The following ANTXRL variants were observed in gnomAD, a reference collection of about 807,000 sequenced individuals.
ANTXRL encodes ANTXR like.
ANTXRL carries 63 observed loss-of-function variants against 75.4 expected under a neutral mutation model. That is an observed-to-expected ratio of 0.84 (90% CI 0.68 to 1.03). The LOEUF is 1.03. ANTXRL is among the 50% of genes least tolerant of loss of function. The probability of loss-of-function intolerance (pLI) is 0.00; values close to 1 mark genes in which losing one functional copy is unlikely to be tolerated. For synonymous variants in ANTXRL, 335 were observed against 291.3 expected (o/e 1.15, Z -1.53); for missense variants, 797 against 789.4 (o/e 1.01, Z -0.12).
intron 9 of ANTXRL, among the ~76,000 whole-genome samples, chr10:46,298,487 G>A (rs1344179607): frequency 6.6e-6 from 1 of 151,528 alleles, no homozygotes; most frequent in Non-Finnish European, 1.5e-5. Context: ...TATGCATGTG[G>A]GGGTGTGAGT....
intron 16 of ANTXRL, among the ~76,000 whole-genome samples, chr10:46,318,552 G>A (rs2132874702): frequency 6.6e-6 from 1 of 152,210 alleles, no homozygotes. Flanking sequence ...TTTTAATACA[G>A]AAAAGCAGTG....
intron 1 of ANTXRL, 129 bp from the exon 2 acceptor site, chr10:46,291,929 C>T: frequency 1.2e-6 from 1 of 818,458 alleles, no homozygotes; most frequent in South Asian, 1.6e-5. Context: ...TGGGGGTGTA[C>T]CCCAGCCTCA....
chr10:46,309,625 C>A (rs1476533851), intron 13 of ANTXRL, among the ~76,000 whole-genome samples: 1 of 152,198 alleles, frequency 6.6e-6, no homozygotes, highest in Non-Finnish European at 1.5e-5. Flanking sequence ...AAATGGAGGA[C>A]GCTGTAACCC....
chr10:46,311,286 G>A (rs1180382226), intron 14 of ANTXRL, among the ~76,000 whole-genome samples: 7 of 152,076 alleles, frequency 4.6e-5, no homozygotes, highest in African/African-American at 1.5e-4. Context: ...CTTTCAACAA[G>A]GGCAGCCACG....
chr10:46,297,566 A>G (rs1554959234), intron 7 of ANTXRL, 92 bp downstream of exon 7: 40 of 1,324,260 alleles, frequency 3.0e-5, no homozygotes, highest in Non-Finnish European at 3.9e-5. Flanking sequence ...CGGTTGTCTA[A>G]GCTGCCCCAA....
intron 16 of ANTXRL, among the ~76,000 whole-genome samples, chr10:46,324,655 T>C (rs1839129026): frequency 6.6e-6 from 1 of 152,170 alleles, no homozygotes; most frequent in Non-Finnish European, 1.5e-5. Flanking sequence ...TGGACCTTTA[T>C]AGACGCCGCA....
chr10:46,301,922 G>A (rs1466179347), intron 9 of ANTXRL, among the ~76,000 whole-genome samples: 17 of 152,174 alleles, frequency 1.1e-4, no homozygotes, highest in Admixed American at 1.1e-3. Context: ...GCAGACCTGC[G>A]GGAACCCTGG....
At chr10:46,295,201 T>C (rs17769411) in intron 3 of ANTXRL, among the ~76,000 whole-genome samples, 61,227 of 151,804 alleles carry the variant, frequency 0.4, 12,118 homozygotes, top group Non-Finnish European at 0.48. Context: ...ACTTCCTGTA[T>C]CAGGGTAAAG....
intron 15 of ANTXRL, 66 bp from the exon 16 acceptor site, chr10:46,313,170 G>T: frequency 7.3e-7 from 1 of 1,378,424 alleles, no homozygotes; most frequent in Non-Finnish European, 1.0e-6. Flanking sequence ...GGGCTGGGGA[G>T]TCCTGATGCC....
chr10:46,310,344 C>A (rs1838350140), intron 13 of ANTXRL, 117 bp from the exon 14 acceptor site: 2 of 983,412 alleles, frequency 2.0e-6, no homozygotes, highest in Non-Finnish European at 3.1e-6. Context: ...CAGAGTGACA[C>A]CCCAAAGGCA....
At chr10:46,286,892 T>G, upstream of ANTXRL, 1 of 299,954 alleles carries the variant, frequency 3.3e-6, no homozygotes, top group Non-Finnish European at 6.3e-6. Context: ...GGCTTCCTCT[T>G]GTAGCCCCTC....
intron 14 of ANTXRL, among the ~76,000 whole-genome samples, chr10:46,311,041 G>A (rs782748162): frequency 5.3e-5 from 8 of 152,066 alleles, no homozygotes; most frequent in Non-Finnish European, 8.8e-5. Flanking sequence ...CCAGGAGTCC[G>A]GGAACAAGTT....
chr10:46,317,047 G>C (rs1302483759), intron 16 of ANTXRL, among the ~76,000 whole-genome samples: 1 of 152,100 alleles, frequency 6.6e-6, no homozygotes, highest in Non-Finnish European at 1.5e-5. Flanking sequence ...AGCCTCCTGC[G>C]ACCCTAAGCT....
chr10:46,304,025 G>C (rs1384344785), intron 10 of ANTXRL, among the ~76,000 whole-genome samples: 1 of 152,124 alleles, frequency 6.6e-6, no homozygotes, highest in Non-Finnish European at 1.5e-5. Context: ...CATAGGAAGG[G>C]GCTGAGCCTG....
At chr10:46,286,685 C>A (rs76055187), upstream of ANTXRL, among the ~76,000 whole-genome samples, 1 of 152,130 alleles carries the variant, frequency 6.6e-6, no homozygotes, top group South Asian at 2.1e-4. Flanking sequence ...ATCTCCTTCC[C>A]GAACTGCCAT....
chr10:46,290,576 A>C (rs1309196069), intron 1 of ANTXRL, among the ~76,000 whole-genome samples: 2 of 152,172 alleles, frequency 1.3e-5, no homozygotes, highest in East Asian at 3.8e-4. Context: ...CATTCCCACC[A>C]ACAAAAGCCC....
At chr10:46,297,800 G>A in intron 7 of ANTXRL, 31 bp from the exon 8 acceptor site, 1 of 1,529,300 alleles carries the variant, frequency 6.5e-7, no homozygotes, top group East Asian at 2.4e-5. Context: ...ACCTCCTGGT[G>A]GGGAGTCCAA....
At chr10:46,306,242 A>G (rs1203670963) in intron 10 of ANTXRL, among the ~76,000 whole-genome samples, 1 of 152,218 alleles carries the variant, frequency 6.6e-6, no homozygotes, top group Non-Finnish European at 1.5e-5. Context: ...GGAAGTTTGC[A>G]ACACTACACA....
At chr10:46,317,875 A>C (rs1838810095) in intron 16 of ANTXRL, among the ~76,000 whole-genome samples, 1 of 152,176 alleles carries the variant, frequency 6.6e-6, no homozygotes, top group Non-Finnish European at 1.5e-5. Flanking sequence ...AGAAGTAATT[A>C]GTTGCTGGCT....
Sources: allele counts gnomAD v4.1 joint callset (sites outside exome capture counted in the v4.1 genomes callset), GRCh38; gene constraint gnomAD v4.1.1; transcripts MANE v1.5; gene names NCBI Gene and HGNC (gene_info 2026-07-23, HGNC 2026-07-21).